Variants in LCLAT1 observed in about 807,000 individuals in gnomAD.
LCLAT1 encodes the protein lysocardiolipin acyltransferase 1.
In LCLAT1, 11 loss-of-function variants were observed where a neutral mutation model predicts 30.7. The ratio of observed to expected loss-of-function variants is 0.36; its 90% CI spans 0.23 to 0.59. The LOEUF (loss-of-function observed/expected upper bound fraction) is 0.59, where lower values mean the gene tolerates loss of function less well. Among genes scored for constraint, LCLAT1 ranks in the 20% least tolerant of loss-of-function variants. LCLAT1 has a pLI of 0.77. For missense variants in LCLAT1, 402 were observed against 458.6 expected, an observed-to-expected ratio of 0.88 and a Z score of 1.13; for synonymous variants, 155 against 151.3, an observed-to-expected ratio of 1.02 and a Z score of -0.18.
At chr2:30,474,445 C>T (rs1682951004) in intron 1 of LCLAT1, among the ~76,000 whole-genome samples, 1 of 152,148 alleles carries the variant, frequency 6.6e-6, no homozygotes, top group Non-Finnish European at 1.5e-5. Context: ...ATTTAAGAGA[C>T]AGGGACTTGC....
chr2:30,520,695 G>A (rs917486028), intron 1 of LCLAT1, among the ~76,000 whole-genome samples: 5 of 152,214 alleles, frequency 3.3e-5, no homozygotes, highest in Admixed American at 2.6e-4. Flanking sequence ...TACATTTTAG[G>A]TGTTACTATA....
intron 1 of LCLAT1, among the ~76,000 whole-genome samples, chr2:30,482,206 T>C (rs1340033345): frequency 6.6e-6 from 1 of 152,246 alleles, no homozygotes; most frequent in Non-Finnish European, 1.5e-5. Flanking sequence ...TTGGCAGTTA[T>C]GTACATGTTC....
chr2:30,493,011 A>G (rs1683908801), intron 1 of LCLAT1, among the ~76,000 whole-genome samples: 2 of 152,134 alleles, frequency 1.3e-5, no homozygotes, highest in South Asian at 2.1e-4. Context: ...CGTGGGCTAC[A>G]TTGTTTAACC....
intron 1 of LCLAT1, among the ~76,000 whole-genome samples, chr2:30,481,708 T>C (rs957555138): frequency 2.0e-5 from 3 of 152,132 alleles, no homozygotes; most frequent in Admixed American, 2.0e-4. Context: ...GAAAGCTGAC[T>C]GAAGAGGGAA....
chr2:30,576,584 A>G (rs1199021911), intron 5 of LCLAT1, among the ~76,000 whole-genome samples: 1 of 152,042 alleles, frequency 6.6e-6, no homozygotes, highest in Non-Finnish European at 1.5e-5. Flanking sequence ...CTGAGTCTAA[A>G]CCCTGTGGAC....
intron 3 of LCLAT1, among the ~76,000 whole-genome samples, chr2:30,560,280 TGTG>T (rs1392072970): frequency 3.9e-5 from 5 of 127,758 alleles, no homozygotes; most frequent in Non-Finnish European, 8.0e-5. Context: ...CCAAATAAAG[TGTG>T]GTGTGTGTGT....
intron 1 of LCLAT1, among the ~76,000 whole-genome samples, chr2:30,462,189 G>T (rs2148275219): frequency 6.6e-6 from 1 of 152,262 alleles, no homozygotes; most frequent in East Asian, 1.9e-4. Context: ...AGTCCAATAG[G>T]CTCAAATTAA....
At chr2:30,509,705 A>G (rs1198216966) in intron 1 of LCLAT1, among the ~76,000 whole-genome samples, 1 of 152,016 alleles carries the variant, frequency 6.6e-6, no homozygotes, top group African/African-American at 2.4e-5. Context: ...AGCTGGGACT[A>G]CAGATGCATG....
chr2:30,462,688 G>T (rs767692029), intron 1 of LCLAT1, among the ~76,000 whole-genome samples: 7 of 152,196 alleles, frequency 4.6e-5, no homozygotes, highest in South Asian at 2.1e-4. Context: ...GAGTTGTTTA[G>T]AATGAACCAA....
chr2:30,600,928 C>CA (rs1667152068), intron 5 of LCLAT1, among the ~76,000 whole-genome samples: 1 of 152,164 alleles, frequency 6.6e-6, no homozygotes, highest in Non-Finnish European at 1.5e-5. Context: ...CTTAGTCAGT[C>CA]ATAGGGTTGG....
chr2:30,503,114 A>G (rs967637049), intron 1 of LCLAT1, among the ~76,000 whole-genome samples: 2 of 152,222 alleles, frequency 1.3e-5, no homozygotes, highest in African/African-American at 4.8e-5. Context: ...TTGCCAAGGA[A>G]GGGGTTGGTA....
At chr2:30,569,898 CA>C (rs1665701576) in intron 5 of LCLAT1, among the ~76,000 whole-genome samples, 1 of 151,930 alleles carries the variant, frequency 6.6e-6, no homozygotes. Context: ...CGTGGAAGTT[CA>C]TGGAGAATAC....
chr2:30,554,742 T>A (rs887255584), intron 3 of LCLAT1, among the ~76,000 whole-genome samples: 9 of 152,162 alleles, frequency 5.9e-5, no homozygotes, highest in African/African-American at 2.2e-4. Context: ...TCTTGAAGAT[T>A]AAGAATATGA....
chr2:30,618,216 TTTTC>T (rs1337931901), intron 5 of LCLAT1, among the ~76,000 whole-genome samples: 13 of 152,088 alleles, frequency 8.5e-5, no homozygotes, highest in African/African-American at 2.4e-4. Flanking sequence ...GCCTCCATCT[TTTTC>T]TTTTTCAAAA....
At chr2:30,608,300 CAAA>C (rs534141767) in intron 5 of LCLAT1, among the ~76,000 whole-genome samples, 13 of 108,454 alleles carry the variant, frequency 1.2e-4, no homozygotes. Context: ...GACTCCATCT[CAAA>C]AAAAAAAAAA....
At position 30,525,688 on chromosome 2, in the gene LCLAT1, T is replaced by G; in HGVS notation, c.98T>G (p.Phe33Cys). Reference sequence around the variant, plus strand: ...CTGAGTCCCTTTTTACCTTTGATGTTTGTAAACCCATCTTGGTATCGCTGG... The same window carrying G: ...CTGAGTCCCTTTTTACCTTTGATGTGTGTAAACCCATCTTGGTATCGCTGG... ...FMLSPFLPLMFVNPSWYRWIN... is the reference protein window; with the variant it reads ...FMLSPFLPLMCVNPSWYRWIN... Residue 33 changes from phenylalanine to cysteine, a missense_variant, in exon 2 of 6, where the codon TTT (phenylalanine) becomes TGT (cysteine). Transcript: ENST00000379509. 6.2e-7 allele frequency: 1 copy of G among 1,614,192 alleles called. No individual in the cohort carries two copies. The highest frequency in any genetic ancestry group is 1.6e-4 in the Middle Eastern group (1 of 6,062).
chr2:30,525,549 G>A lies in LCLAT1; in HGVS notation c.-4-38G>A, dbSNP rs373499772. ...TGAAATTGAATTCGAGCCGTTAAAT[G>A]TATAGTAACAAAATATATCCTTTTT... On this transcript the variant is annotated intron_variant, in intron 1 of 5. Transcript: ENST00000379509. 4.0e-6 allele frequency: 6 copies of A among 1,515,948 alleles called. No homozygotes were observed. The African/African-American group carries it at 4.1e-5, about 10-fold the overall frequency. The allele number at this position is 1,515,948 out of a possible 1,614,324, so 93.9% of individuals were successfully genotyped here. A position where few individuals can be genotyped will look rare whatever the true frequency, so the allele number is the denominator to read the frequency against.
chr2:30,534,469 G>A (rs753161675), intron 3 of LCLAT1, among the ~76,000 whole-genome samples: 8 of 152,076 alleles, frequency 5.3e-5, no homozygotes, highest in Non-Finnish European at 7.4e-5. Flanking sequence ...TAGTAGAGAC[G>A]GGGTTTCACC....
At chr2:30,555,611 TAAATGTA>T (rs1225116124) in intron 3 of LCLAT1, among the ~76,000 whole-genome samples, 1 of 152,166 alleles carries the variant, frequency 6.6e-6, no homozygotes, top group East Asian at 1.9e-4. Context: ...TTAAGAAATT[TAAATGTA>T]AACTAAACTC....
Sources: gnomAD v4.1 joint callset for allele counts (sites outside exome capture counted in the v4.1 genomes callset) on GRCh38, gnomAD v4.1.1 for gene constraint, MANE v1.5 for transcripts, NCBI Gene and HGNC (gene_info 2026-07-23, HGNC 2026-07-21) for gene names.